The following CTNNA2 variants were observed in gnomAD, a reference collection of about 807,000 sequenced individuals.
The protein encoded by CTNNA2 is catenin alpha-2.
In CTNNA2, 42 loss-of-function variants were observed where a neutral mutation model predicts 101.0. That is an observed-to-expected ratio of 0.42 (90% confidence interval 0.32 to 0.54). The LOEUF (loss-of-function observed/expected upper bound fraction) is 0.54, where lower values mean the gene tolerates loss of function less well. Among genes scored for constraint, CTNNA2 ranks in the 20% least tolerant of loss-of-function variants. The pLI is 0.14. For missense variants in CTNNA2, 871 were observed against 1,223.1 expected (o/e 0.71, Z 4.29); for synonymous variants, 450 against 456.4 (o/e 0.99, Z 0.18).
rs191224428 is a variant in CTNNA2, at chr2:80,645,679, A to C, written c.2575-1906A>C. On this transcript the variant is annotated intron_variant, in intron 18 of 18. Transcript: ENST00000402739. The stretch of plus-strand genomic sequence containing the variant: ...GGGACTAGGCTTTGAGAATCACCCC[A>C]CTAATTCATGCTTGGCTTCTCTCCT... Among the ~76,000 whole-genome samples, 289 of 151,036 alleles carry C rather than the reference A, an allele frequency of 1.9e-3. 2 individuals carry two copies. The highest frequency in any genetic ancestry group is 7.0e-3 in the African/African-American group (282 of 40,396).
At chr2:79,467,244 A>C (rs1670947227) in intron 4 of CTNNA2, among the ~76,000 whole-genome samples, 1 of 152,250 alleles carries the variant, frequency 6.6e-6, no homozygotes, top group South Asian at 2.1e-4. Flanking sequence ...AAGCTTCAGT[A>C]GCCGATTTGA....
chr2:80,599,146 A>C (rs773202574), intron 15 of CTNNA2, among the ~76,000 whole-genome samples: 4 of 152,214 alleles, frequency 2.6e-5, no homozygotes, highest in Non-Finnish European at 4.4e-5. Context: ...AATATTTCAA[A>C]ATAAAAAGTT....
At chr2:79,914,011 C>CA (rs892972529) in intron 7 of CTNNA2, among the ~76,000 whole-genome samples, 2 of 151,184 alleles carry the variant, frequency 1.3e-5, no homozygotes, top group African/African-American at 4.8e-5. Flanking sequence ...ACTAAAAATA[C>CA]AAAAAATTAG....
intron 7 of CTNNA2, among the ~76,000 whole-genome samples, chr2:80,323,199 C>T (rs1311914550): frequency 6.6e-6 from 1 of 152,084 alleles, no homozygotes; most frequent in Non-Finnish European, 1.5e-5. Flanking sequence ...ACATAGCAGC[C>T]GCTGGCGAGA....
At chr2:80,261,476 A>G (rs1176738574) in intron 7 of CTNNA2, among the ~76,000 whole-genome samples, 2 of 152,034 alleles carry the variant, frequency 1.3e-5, no homozygotes, top group African/African-American at 2.4e-5. Context: ...ATATTTTTTA[A>G]CACCAGTTTG....
rs1444462475 is a variant in CTNNA2 at position 80,208,460 on chromosome 2, A to G, written c.1057-184751A>G. Reference sequence around the variant, plus strand: ...ACAATTATAAGGAAAGAAATTCTCAACAAAATGTATTGATGGATTCTCAGT... The same window carrying G: ...ACAATTATAAGGAAAGAAATTCTCAGCAAAATGTATTGATGGATTCTCAGT... On this transcript the variant is annotated intron_variant, in intron 7 of 18. Transcript: ENST00000402739. Among the ~76,000 whole-genome samples, 2 of 152,206 alleles carry G rather than the reference A, an allele frequency of 1.3e-5. 1 individual carries two copies. Among genetic ancestry groups the G allele is most frequent in the Admixed American group, 1.3e-4 (2 of 15,280 alleles).
At chr2:79,951,349 A>G (rs1324597241) in intron 7 of CTNNA2, among the ~76,000 whole-genome samples, 5 of 152,180 alleles carry the variant, frequency 3.3e-5, no homozygotes, top group Admixed American at 3.3e-4. Context: ...TTTCCCAATA[A>G]TTAAATTTAC....
At position 79,948,994 on chromosome 2, in the gene CTNNA2, T is replaced by TA. The variant is rs1472478603; in HGVS notation, c.1056+39200dup. ...AAAATAAATAAATAAATAAATAAAA[T>TA]AAATGGATAAATAAATAAATAAATT... On this transcript the variant is annotated intron_variant, in intron 7 of 18. Coordinates refer to ENST00000402739, the MANE Select transcript of CTNNA2 (RefSeq NM_001282597.3). Among the ~76,000 whole-genome samples the TA allele has an allele frequency of 4.8e-4, 72 of 151,302 alleles. 1 individual carries two copies. Among genetic ancestry groups the TA allele is most frequent in the African/African-American group, 1.2e-3 (48 of 41,246 alleles).
At chr2:79,864,117 T>A (rs976791201) in intron 4 of CTNNA2, among the ~76,000 whole-genome samples, 1 of 152,180 alleles carries the variant, frequency 6.6e-6, no homozygotes, top group Non-Finnish European at 1.5e-5. Context: ...CAGCGGCCCA[T>A]CCATATTTTC....
At chr2:79,720,729 T>G (rs143407790) in intron 2 of CTNNA2, among the ~76,000 whole-genome samples, 1 of 152,258 alleles carries the variant, frequency 6.6e-6, no homozygotes, top group South Asian at 2.1e-4. Flanking sequence ...TTTTTGTACA[T>G]ATCCAGGAAC....
intron 7 of CTNNA2, among the ~76,000 whole-genome samples, chr2:80,182,391 A>G (rs1705840673): frequency 6.6e-6 from 1 of 152,142 alleles, no homozygotes; most frequent in South Asian, 2.1e-4. Flanking sequence ...AGCTAATTAA[A>G]TGTTGGGTCT....
intron 7 of CTNNA2, among the ~76,000 whole-genome samples, chr2:80,111,796 A>G (rs1359490086): frequency 6.6e-6 from 1 of 152,180 alleles, no homozygotes; most frequent in African/African-American, 2.4e-5. Context: ...CCAAAGTACT[A>G]GGATTATAGG....
chr2:80,097,412 G>T (rs186896341), intron 7 of CTNNA2, among the ~76,000 whole-genome samples: 1 of 152,110 alleles, frequency 6.6e-6, no homozygotes, highest in Non-Finnish European at 1.5e-5. Context: ...TGGGTAACCC[G>T]ACCTTTCTCT....
chr2:80,263,705 T>C (rs957997319), intron 7 of CTNNA2, among the ~76,000 whole-genome samples: 4 of 152,228 alleles, frequency 2.6e-5, no homozygotes, highest in Non-Finnish European at 5.9e-5. Flanking sequence ...GACAGTCACA[T>C]GTTCCTAACG....
At chr2:79,549,982 G>A (rs757385784) in intron 1 of CTNNA2, among the ~76,000 whole-genome samples, 95 of 152,204 alleles carry the variant, frequency 6.2e-4, no homozygotes, top group Non-Finnish European at 9.4e-4. Context: ...ATAATCACTG[G>A]CTAGATCCGT....
intron 7 of CTNNA2, among the ~76,000 whole-genome samples, chr2:80,102,574 A>G (rs13432569): frequency 0.17 from 26,146 of 152,126 alleles, 3,259 homozygotes; most frequent in African/African-American, 0.34. Flanking sequence ...GTTCAGTGGC[A>G]TGATCTCAGC....
chr2:80,338,672 C>A (rs1370253378), intron 7 of CTNNA2, among the ~76,000 whole-genome samples: 1 of 152,156 alleles, frequency 6.6e-6, no homozygotes, highest in Non-Finnish European at 1.5e-5. Flanking sequence ...AAGGTGCATC[C>A]CTTTTATTTT....
chr2:79,873,683 G>T (rs1682765318), intron 5 of CTNNA2, among the ~76,000 whole-genome samples: 1 of 152,112 alleles, frequency 6.6e-6, no homozygotes, highest in South Asian at 2.1e-4. Flanking sequence ...AGAATCCCTT[G>T]AGGCCAGGAG....
chr2:80,565,201 G>T (rs929682900), intron 12 of CTNNA2, among the ~76,000 whole-genome samples: 1 of 152,080 alleles, frequency 6.6e-6, no homozygotes, highest in Non-Finnish European at 1.5e-5. Context: ...TACTTTGTTG[G>T]TAAAGGCTTT....
Sources: gnomAD v4.1 joint callset for allele counts (sites outside exome capture counted in the v4.1 genomes callset) on GRCh38, gnomAD v4.1.1 for gene constraint, MANE v1.5 for transcripts, NCBI Gene and HGNC (gene_info 2026-07-23, HGNC 2026-07-21) for gene names.